SHTN1: variants seen among roughly 807,000 people sequenced by gnomAD.
The protein encoded by SHTN1 is shootin-1.
A neutral mutation model predicts 83.1 loss-of-function variants in SHTN1; 42 were observed. The observed-to-expected ratio is 0.51, with a 90% CI of 0.39 to 0.65. The LOEUF (loss-of-function observed/expected upper bound fraction) is 0.65, where lower values mean the gene tolerates loss of function less well. Among genes scored for constraint, SHTN1 ranks in the 30% least tolerant of loss-of-function variants. The pLI, the probability that SHTN1 is intolerant of heterozygous loss-of-function variation, is 0.00. For synonymous variants in SHTN1, 224 were observed against 247.7 expected (o/e 0.90, Z 0.90); for missense variants, 622 against 737.8 (o/e 0.84, Z 1.82).
At chr10:116,989,293 T>C (rs1008739752) in intron 1 of SHTN1, among the ~76,000 whole-genome samples, 1 of 152,214 alleles carries the variant, frequency 6.6e-6, no homozygotes, top group Non-Finnish European at 1.5e-5. Context: ...CCATATTTTA[T>C]TCCGACTTCC....
At chr10:116,997,221 T>C (rs377065137) in intron 1 of SHTN1, among the ~76,000 whole-genome samples, 2 of 152,328 alleles carry the variant, frequency 1.3e-5, no homozygotes, top group Admixed American at 6.5e-5. Flanking sequence ...CCTTCCCACA[T>C]TCTCCTGCCT....
rs541784810 is a variant in SHTN1 at position 116,940,604 on chromosome 10, A to G, written c.720T>C (p.Ile240=). The G allele has an allele frequency of 6.2e-7, 1 of 1,603,004 alleles. No individual in the cohort carries two copies. Among genetic ancestry groups the G allele is most frequent in the East Asian group, 2.2e-5 (1 of 44,612 alleles). The change falls in exon 9 of 17, where the codon ATT becomes ATC. Residue 240 remains isoleucine, a synonymous_variant. Transcript: ENST00000355371. ...TTTGTCTCTTTAGCTTGTTTTGCTC[A>G]ATGAACATCTGCAAAAGTTTGTTAC... ...KAESFAQEMF[I]EQNKLKRQSH... is the part of the protein sequence containing the mutation.
intron 2 of SHTN1, among the ~76,000 whole-genome samples, chr10:117,026,345 C>T (rs1304751581): frequency 6.6e-6 from 1 of 151,194 alleles, no homozygotes; most frequent in Non-Finnish European, 1.5e-5. Flanking sequence ...TGGAAAGGAG[C>T]AGAAAGAGTG....
intron 9 of SHTN1, among the ~76,000 whole-genome samples, chr10:116,932,016 C>T (rs1056727952): frequency 6.6e-5 from 10 of 152,174 alleles, no homozygotes; most frequent in African/African-American, 2.4e-4. Context: ...GATAGTTTTT[C>T]GACTTTACAA....
At chr10:116,956,928 T>C (rs1350245471) in intron 4 of SHTN1, among the ~76,000 whole-genome samples, 4 of 152,112 alleles carry the variant, frequency 2.6e-5, no homozygotes, top group Admixed American at 6.6e-5. Context: ...TTGTTTTGTT[T>C]TTTTGGAGAT....
At chr10:116,939,860 T>C (rs2133395383) in intron 9 of SHTN1, among the ~76,000 whole-genome samples, 1 of 152,206 alleles carries the variant, frequency 6.6e-6, no homozygotes, top group South Asian at 2.1e-4. Flanking sequence ...TTTGTTCCAC[T>C]TCTTTGCTTC....
chr10:117,008,804 C>A (rs142926820), upstream of SHTN1, among the ~76,000 whole-genome samples: 4 of 152,266 alleles, frequency 2.6e-5, no homozygotes, highest in Admixed American at 2.0e-4. Context: ...TTGTACAATT[C>A]TCTGAATATA....
chr10:117,004,403 C>G (rs1851934632), intron 1 of SHTN1, among the ~76,000 whole-genome samples: 1 of 152,144 alleles, frequency 6.6e-6, no homozygotes, highest in African/African-American at 2.4e-5. Context: ...TGGCCTGGCT[C>G]TCCTTCGCCC....
chr10:117,029,447 T>A (rs1852375264), intron 2 of SHTN1, among the ~76,000 whole-genome samples: 1 of 152,152 alleles, frequency 6.6e-6, no homozygotes, highest in Non-Finnish European at 1.5e-5. Context: ...ATGTGAGAAG[T>A]ACATGAGATT....
chr10:116,940,080 C>G (rs1470231199), intron 9 of SHTN1, among the ~76,000 whole-genome samples: 1 of 152,138 alleles, frequency 6.6e-6, no homozygotes, highest in Non-Finnish European at 1.5e-5. Context: ...AAAACCTATG[C>G]CCTCCAACAA....
At chr10:116,939,343 G>A (rs1220989050) in intron 9 of SHTN1, among the ~76,000 whole-genome samples, 1 of 152,216 alleles carries the variant, frequency 6.6e-6, no homozygotes, top group South Asian at 2.1e-4. Flanking sequence ...AAGATGGTGG[G>A]AAAAGCGTAG....
At chr10:117,054,394 T>C (rs374710651) in intron 1 of SHTN1, among the ~76,000 whole-genome samples, 4 of 151,836 alleles carry the variant, frequency 2.6e-5, no homozygotes, top group East Asian at 3.9e-4. Context: ...GACTCTGACA[T>C]AGCATCCTTA....
At chr10:116,990,374 C>A (rs1851385599) in intron 1 of SHTN1, among the ~76,000 whole-genome samples, 1 of 139,446 alleles carries the variant, frequency 7.2e-6, no homozygotes, top group Admixed American at 7.9e-5. Flanking sequence ...GTTTTGAGAG[C>A]TTGGCTTTTG....
At chr10:117,100,489 C>T (rs1487976860) in intron 1 of SHTN1, among the ~76,000 whole-genome samples, 1 of 152,162 alleles carries the variant, frequency 6.6e-6, no homozygotes, top group Non-Finnish European at 1.5e-5. Context: ...CTTTTCCTGA[C>T]AGTAGTCACT....
At position 116,948,374 on chromosome 10, in the gene SHTN1, C is replaced by T. The variant is rs114349382; in HGVS notation, c.616+542G>A. Among the ~76,000 whole-genome samples the T allele has an allele frequency of 4.1e-3, 623 of 152,284 alleles. 7 individuals are homozygous for T. The highest frequency in any genetic ancestry group is 0.014 in the African/African-American group (591 of 41,556). On this transcript the variant is annotated intron_variant, in intron 7 of 16. Coordinates refer to ENST00000355371, the MANE Select transcript of SHTN1 (RefSeq NM_001127211.3). ...GATTCATTTAAATGATCATCAATCT[C>T]TTATTGCACTGACTGTCAGACAGCT...
At chr10:117,060,284 C>T (rs528072833) in intron 1 of SHTN1, among the ~76,000 whole-genome samples, 8 of 152,036 alleles carry the variant, frequency 5.3e-5, no homozygotes, top group Admixed American at 2.6e-4. Context: ...GTTATTTATG[C>T]TAACACATAG....
chr10:116,981,846 C>G (rs995970649), intron 1 of SHTN1, among the ~76,000 whole-genome samples: 3 of 152,104 alleles, frequency 2.0e-5, no homozygotes, highest in Non-Finnish European at 4.4e-5. Context: ...ATCATCAGGT[C>G]AGGAGTTTGA....
chr10:116,889,299 A>AT (rs1428485536), intron 16 of SHTN1, among the ~76,000 whole-genome samples: 1 of 152,196 alleles, frequency 6.6e-6, no homozygotes, highest in African/African-American at 2.4e-5. Flanking sequence ...TCAGGCTGAA[A>AT]TTGTCCTGGA....
intron 3 of SHTN1, among the ~76,000 whole-genome samples, chr10:116,960,742 G>A (rs561786605): frequency 6.6e-6 from 1 of 152,240 alleles, no homozygotes; most frequent in East Asian, 1.9e-4. Context: ...GTCTCTATTA[G>A]CTACAAAGTA....
Sources: gnomAD v4.1 joint callset for allele counts (sites outside exome capture counted in the v4.1 genomes callset) on GRCh38, gnomAD v4.1.1 for gene constraint, MANE v1.5 for transcripts, NCBI Gene and HGNC (gene_info 2026-07-23, HGNC 2026-07-21) for gene names.